Variants in PCDHGA2 observed in about 807,000 individuals in gnomAD.
PCDHGA2 encodes protocadherin gamma-A2.
In PCDHGA2, 40 loss-of-function variants were observed where a neutral mutation model predicts 59.2. The observed-to-expected ratio is 0.68, with a 90% CI of 0.52 to 0.88. PCDHGA2 has a LOEUF of 0.88. Among genes scored for constraint, PCDHGA2 ranks in the 40% least tolerant of loss-of-function variants. The pLI is 0.00. For synonymous variants in PCDHGA2, 560 were observed against 526.0 expected (o/e 1.06, Z -0.89); for missense variants, 1,226 against 1,204.0 (o/e 1.02, Z -0.27).
chr5:141,369,898 C>A (rs1410359575), intron 1 of PCDHGA2, among the ~76,000 whole-genome samples: 1 of 152,106 alleles, frequency 6.6e-6, no homozygotes, highest in Non-Finnish European at 1.5e-5. Flanking sequence ...TTATTATGAC[C>A]ATTTTATGAA....
At position 141,431,784 on chromosome 5, in the gene PCDHGA2, A is replaced by G; in HGVS notation, c.2425-63023A>G. On this transcript the variant is annotated intron_variant, in intron 1 of 3. Coordinates refer to ENST00000394576, the MANE Select transcript of PCDHGA2 (RefSeq NM_018915.4). The surrounding 1 kb of genome is among the most constrained non-coding windows in gnomAD (Gnocchi z 4.8). ...CTGATCACTGTTCTGGACGTGAACG[A>G]CAATGCCCCAGAAGTGGTCCTCACC... 1 of 1,614,220 alleles carries G rather than the reference A, an allele frequency of 6.2e-7. No individual in the cohort carries two copies. Among genetic ancestry groups the G allele is most frequent in the Non-Finnish European group, 8.5e-7 (1 of 1,180,022 alleles).
At chr5:141,342,133 G>T (rs183959056) in intron 1 of PCDHGA2, 1 of 151,768 alleles carries the variant, frequency 6.6e-6, no homozygotes. Flanking sequence ...TTTCTCATAC[G>T]TGGGAACCAT....
intron 1 of PCDHGA2, chr5:141,351,557 A>G: frequency 1.2e-6 from 2 of 1,614,024 alleles, no homozygotes; most frequent in Non-Finnish European, 1.7e-6. Context: ...CTCCAGGACA[A>G]GCATCACCCT....
Position 141,400,574 on chromosome 5 carries a change from T to A in PCDHGA2, c.2424+59179T>A, listed in dbSNP as rs1589419530. On this transcript the variant is annotated intron_variant, in intron 1 of 3. Transcript: ENST00000394576. ...TTTTCATTACCCACCCAATTTTCTG[T>A]ATTTACATGAAACTATCGTACATTT... 3 of 1,612,232 alleles carry A rather than the reference T, an allele frequency of 1.9e-6. No individual in the cohort carries two copies. In the Middle Eastern group the frequency reaches 4.9e-4, roughly 266 times the overall value.
chr5:141,402,857 A>G, intron 1 of PCDHGA2: 2 of 1,425,270 alleles, frequency 1.4e-6, no homozygotes, highest in Non-Finnish European at 1.8e-6. Context: ...CTTTCTTCTA[A>G]GGAAAAGATC....
Position 141,512,910 on chromosome 5 carries a change from T to C in PCDHGA2, c.*1737T>C, listed in dbSNP as rs2099884499. On this transcript the variant is annotated 3_prime_UTR_variant, in exon 4 of 4. Transcript: ENST00000394576. Reference sequence around the variant, plus strand: ...CTCTTCCTGTGTCTCACGCAAGTTTTATACTCTAATATTTATATGGCTTTT... The same window carrying C: ...CTCTTCCTGTGTCTCACGCAAGTTTCATACTCTAATATTTATATGGCTTTT... 1 of 152,274 alleles carries C rather than the reference T, an allele frequency of 6.6e-6. No homozygotes were observed. The highest frequency in any genetic ancestry group is 2.1e-4 in the South Asian group (1 of 4,836). 9.4% of individuals were successfully genotyped at this position (152,274 alleles called of 1,614,324 possible). A position where few individuals can be genotyped will look rare whatever the true frequency, so the allele number is the denominator to read the frequency against.
At chr5:141,504,206 A>G (rs1209911822) in intron 2 of PCDHGA2, among the ~76,000 whole-genome samples, 1 of 152,218 alleles carries the variant, frequency 6.6e-6, no homozygotes, top group African/African-American at 2.4e-5. Flanking sequence ...CTGTGGGAAA[A>G]TTCCAAGTAG....
In PCDHGA2 at chr5:141,431,464, G is replaced by C. The variant is rs1413324509; in HGVS notation, c.2425-63343G>C. On this transcript the variant is annotated intron_variant, in intron 1 of 3. Coordinates refer to ENST00000394576, the MANE Select transcript of PCDHGA2 (RefSeq NM_018915.4). This position sits in a 1 kb window ranked among gnomAD's most constrained non-coding sequence, Gnocchi z 4.8. ...GCATCCGCGTGATGGTTCTGGATGCGAACGACAACGCACCAGCGTTTGCTC... is the reference window on the plus strand; with the variant it reads ...GCATCCGCGTGATGGTTCTGGATGCCAACGACAACGCACCAGCGTTTGCTC... The C allele has an allele frequency of 6.2e-7, 1 of 1,613,664 alleles. No individual in the cohort carries two copies. Among genetic ancestry groups the C allele is most frequent in the African/African-American group, 1.3e-5 (1 of 74,950 alleles).
intron 1 of PCDHGA2, chr5:141,395,193 T>C (rs748986857): frequency 1.2e-6 from 2 of 1,614,024 alleles, no homozygotes; most frequent in South Asian, 1.1e-5. Flanking sequence ...TTTGTTAACA[T>C]CCGTAGATTT....
rs1212248484 is a variant in PCDHGA2 at position 141,393,163 on chromosome 5, T to C, written c.2424+51768T>C. ...CTGGTTGAGGATAAAGGAAAACTCT[T>C]TGGGGTAGAAATAGAAATAATTGAT... On this transcript the variant is annotated intron_variant, in intron 1 of 3. Transcript: ENST00000394576. 1.9e-6 allele frequency: 3 copies of C among 1,613,134 alleles called. No homozygotes were observed. In the Admixed American group the frequency reaches 5.0e-5, roughly 27 times the overall value.
Position 141,485,814 on chromosome 5 carries a change from C to T in PCDHGA2, c.2425-8993C>T, listed in dbSNP as rs2099619616. 7.4e-6 allele frequency: 12 copies of T among 1,613,982 alleles called. No individual in the cohort carries two copies. The East Asian group carries it at 2.2e-4, about 30-fold the overall frequency. On this transcript the variant is annotated intron_variant, in intron 1 of 3. Coordinates refer to ENST00000394576, the MANE Select transcript of PCDHGA2 (RefSeq NM_018915.4). This position sits in a 1 kb window ranked among gnomAD's most constrained non-coding sequence, Gnocchi z 5.7. ...TCGGACTACCGCCTGGTGCTGACTG[C>T]TGTCGATGGAGGGAACCCGCCGAGA...
At chr5:141,460,829 A>C (rs1242954704) in intron 1 of PCDHGA2, among the ~76,000 whole-genome samples, 1 of 151,944 alleles carries the variant, frequency 6.6e-6, no homozygotes, top group African/African-American at 2.4e-5. Flanking sequence ...ATACACACTT[A>C]AAGTAATGGC....
intron 1 of PCDHGA2, chr5:141,393,681 C>G (rs2092820491): frequency 1.2e-6 from 2 of 1,613,772 alleles, no homozygotes; most frequent in Non-Finnish European, 1.7e-6. Context: ...AAAACAAACT[C>G]CGTTATTCCA....
intron 1 of PCDHGA2, chr5:141,428,311 G>A: frequency 3.0e-6 from 2 of 671,726 alleles, no homozygotes; most frequent in Non-Finnish European, 5.3e-6. Context: ...CCTGGTCGTG[G>A]CCTTGGCCTT....
chr5:141,381,826 CTTTTT>C lies in PCDHGA2; in HGVS notation c.2424+40449_2424+40453del, dbSNP rs770630741. Among the ~76,000 whole-genome samples, 483 of 74,304 alleles carry C rather than the reference CTTTTT, an allele frequency of 6.5e-3. 2 individuals are homozygous for C. The highest frequency in any genetic ancestry group is 0.026 in the African/African-American group (418 of 16,208). 48.7% of individuals were successfully genotyped at this position (74,304 alleles called of 152,430 possible). On this transcript the variant is annotated intron_variant, in intron 1 of 3. Coordinates refer to ENST00000394576, the MANE Select transcript of PCDHGA2 (RefSeq NM_018915.4). ...TTTCTTTCTTTCTTTCTTTCTTCTT[CTTTTT>C]TTTTTTTTTTTTTTTTTGGCAGAGT...
chr5:141,393,981 T>G, intron 1 of PCDHGA2: 3 of 1,613,792 alleles, frequency 1.9e-6, no homozygotes, highest in Non-Finnish European at 2.5e-6. Flanking sequence ...ACGTGATAAT[T>G]TACCTTTTAA....
intron 1 of PCDHGA2, chr5:141,374,142 T>C (rs1270815703): frequency 6.2e-7 from 1 of 1,610,314 alleles, no homozygotes; most frequent in South Asian, 1.1e-5. Context: ...CTCACGCTCC[T>C]GGGGACGCTG....
At position 141,370,593 on chromosome 5, in the gene PCDHGA2, C is replaced by T. The variant is rs373364003; in HGVS notation, c.2424+29198C>T. On this transcript the variant is annotated intron_variant, in intron 1 of 3. Coordinates refer to ENST00000394576, the MANE Select transcript of PCDHGA2 (RefSeq NM_018915.4). ...GGGGGATTTACCTACTAGGAACCTG[C>T]GGGTTATTGCAGAGAAGAAATTCTT... is the stretch of plus-strand genomic sequence containing the variant. 26 of 1,613,708 alleles carry T rather than the reference C, an allele frequency of 1.6e-5. No homozygotes were observed. The African/African-American group carries it at 2.8e-4, about 17-fold the overall frequency.
intron 1 of PCDHGA2, among the ~76,000 whole-genome samples, chr5:141,363,376 T>C (rs1762901403): frequency 6.6e-6 from 1 of 152,228 alleles, no homozygotes; most frequent in Admixed American, 6.5e-5. Context: ...TCAAGAGGTT[T>C]TTCTATTTCT....
Sources: gnomAD v4.1 joint callset for allele counts (sites outside exome capture counted in the v4.1 genomes callset) on GRCh38, gnomAD v4.1.1 for gene constraint, Gnocchi (gnomAD v3.1) non-coding constraint, MANE v1.5 for transcripts, NCBI Gene and HGNC (gene_info 2026-07-23, HGNC 2026-07-21) for gene names.